SGK2: variants seen among roughly 807,000 people sequenced by gnomAD.
SGK2 encodes serum/glucocorticoid regulated kinase 2.
Under a neutral mutation model 47.5 loss-of-function variants are expected in SGK2, and 36 were observed. The observed-to-expected ratio is 0.76, with a 90% CI of 0.58 to 1.00. The LOEUF is 1.00. Ranked by LOEUF, SGK2 falls within the 50% of genes least tolerant of loss-of-function variation. SGK2 has a pLI of 0.00. For synonymous variants in SGK2, 157 were observed against 181.9 expected (o/e 0.86, Z 1.10); for missense variants, 404 against 467.4 (o/e 0.86, Z 1.25).
chr20:43,566,825 C>T (rs1979752923), intron 2 of SGK2, among the ~76,000 whole-genome samples: 1 of 149,240 alleles, frequency 6.7e-6, no homozygotes, highest in South Asian at 2.1e-4. Flanking sequence ...ATTAGCACAA[C>T]AGCCAGCTGC....
intron 12 of SGK2, among the ~76,000 whole-genome samples, chr20:43,584,048 T>G (rs934886557): frequency 1.3e-5 from 2 of 152,174 alleles, no homozygotes; most frequent in African/African-American, 4.8e-5. Context: ...AGCTCTCTCA[T>G]ATCTGTGGTC....
chr20:43,567,251 C>G, intron 3 of SGK2, 134 bp downstream of exon 3: 1 of 736,456 alleles, frequency 1.4e-6, no homozygotes, highest in Non-Finnish European at 2.4e-6. Flanking sequence ...GGACCTTTCC[C>G]CAGCTCTATC....
intron 9 of SGK2, among the ~76,000 whole-genome samples, chr20:43,574,304 T>A (rs1405193660): frequency 6.6e-6 from 1 of 152,166 alleles, no homozygotes; most frequent in African/African-American, 2.4e-5. Flanking sequence ...AGAGACATGG[T>A]GTACATTTAT....
intron 1 of SGK2, among the ~76,000 whole-genome samples, chr20:43,563,076 C>T (rs772143410): frequency 8.5e-5 from 12 of 141,926 alleles, no homozygotes; most frequent in Non-Finnish European, 1.3e-4. Context: ...GCAGAGGTTG[C>T]AATGAGTTGA....
At chr20:43,573,677 T>C (rs1980295810) in intron 9 of SGK2, among the ~76,000 whole-genome samples, 2 of 152,136 alleles carry the variant, frequency 1.3e-5, no homozygotes, top group Non-Finnish European at 2.9e-5. Context: ...TTTCTCCATA[T>C]GCTTGAAAAG....
rs777928084 is a variant in SGK2, at chr20:43,571,069, GTGT to G, written c.510+10_510+12del. The G allele has an allele frequency of 3.4e-3, 1,126 of 330,114 alleles. 7 individuals carry two copies. The East Asian group carries it at 0.1, about 30-fold the overall frequency. The allele number at this position is 330,114 out of a possible 1,614,324, so 20.4% of individuals were successfully genotyped here. Reference sequence around the variant, plus strand: ...TTCTCTTGGACTGCCAGGTTGGTGTGTGTGTGTGTGTGTGTGTGTGTGTGTGTG... The same window carrying G: ...TTCTCTTGGACTGCCAGGTTGGTGTGGTGTGTGTGTGTGTGTGTGTGTGTG... On this transcript the variant is annotated intron_variant, in intron 8 of 12. Coordinates refer to ENST00000373100, the MANE Select transcript of SGK2 (RefSeq NM_170693.3).
At chr20:43,583,854 C>T (rs1980944380) in intron 12 of SGK2, among the ~76,000 whole-genome samples, 1 of 152,176 alleles carries the variant, frequency 6.6e-6, no homozygotes, top group Admixed American at 6.5e-5. Context: ...CCCAGCTACT[C>T]AGGAGGCTGA....
intron 8 of SGK2, 144 bp downstream of exon 8, chr20:43,571,204 G>A: frequency 1.5e-6 from 2 of 1,328,960 alleles, no homozygotes; most frequent in South Asian, 2.6e-5. Flanking sequence ...TTGAGCATAT[G>A]TGTGTGTGCC....
chr20:43,571,061 G>T lies in SGK2; in HGVS notation c.510+1G>T. The T allele has an allele frequency of 6.3e-7, 1 of 1,575,394 alleles. No individual in the cohort carries two copies. ...AGAGAACATTCTCTTGGACTGCCAG[G>T]TTGGTGTGTGTGTGTGTGTGTGTGT... On this transcript the variant is annotated splice_donor_variant, in intron 8 of 12. Transcript: ENST00000373100. LOFTEE classifies it high-confidence loss of function.
intron 10 of SGK2, 47 bp downstream of exon 10, chr20:43,575,051 G>C: frequency 1.5e-6 from 2 of 1,305,950 alleles, no homozygotes; most frequent in Non-Finnish European, 2.2e-6. Flanking sequence ...CTAGGGATGG[G>C]TCTGTCTCTC....
chr20:43,572,272 A>G lies in SGK2; in HGVS notation c.597+135A>G, dbSNP rs1980187955. The G allele has an allele frequency of 1.5e-6, 1 of 664,668 alleles. No homozygotes were observed. Among genetic ancestry groups the G allele is most frequent in the Admixed American group, 2.4e-5 (1 of 41,332 alleles). The allele number at this position is 664,668 out of a possible 1,614,324, so 41.2% of individuals were successfully genotyped here. ...CTTCTCCTGAGTGGGCTATACACTG[A>G]ACTGTGGTTTCCTCATCTATGTAAT... On this transcript the variant is annotated intron_variant, in intron 9 of 12. Coordinates refer to ENST00000373100, the MANE Select transcript of SGK2 (RefSeq NM_170693.3). This position sits in a 1 kb window ranked among gnomAD's most constrained non-coding sequence, Gnocchi z 4.2.
intron 12 of SGK2, among the ~76,000 whole-genome samples, chr20:43,580,715 G>T (rs1473708732): frequency 5.4e-5 from 7 of 128,672 alleles, no homozygotes; most frequent in African/African-American, 1.2e-4. Flanking sequence ...GCAACAGAGG[G>T]AGACTTCATC....
At position 43,580,023 on chromosome 20, in the gene SGK2, T is replaced by C; in HGVS notation, c.901T>C (p.Tyr301His). The C allele has an allele frequency of 1.9e-6, 3 of 1,611,126 alleles. No homozygotes were observed. Among genetic ancestry groups the C allele is most frequent in the Non-Finnish European group, 2.5e-6 (3 of 1,178,614 alleles). Reference protein sequence around the residue: ...FFSPINWDDLYHKRLTPPFNP... With the variant: ...FFSPINWDDLHHKRLTPPFNP... ...CAGCCCCATAAACTGGGATGACCTGTACCACAAGAGGCTAACTCCACCCTT... is the reference window on the plus strand; with the variant it reads ...CAGCCCCATAAACTGGGATGACCTGCACCACAAGAGGCTAACTCCACCCTT... The change falls in exon 12 of 13, where the codon TAC becomes CAC. Residue 301 changes from tyrosine (Y) to histidine (H), a missense_variant. Tyr to His is a moderately conservative substitution (Grantham distance 83). Transcript: ENST00000373100.
chr20:43,573,854 G>T (rs191660561), intron 9 of SGK2, among the ~76,000 whole-genome samples: 2 of 152,156 alleles, frequency 1.3e-5, no homozygotes, highest in African/African-American at 4.8e-5. Context: ...TTCCTTGGAC[G>T]TTGCTAGGGA....
intron 11 of SGK2, among the ~76,000 whole-genome samples, chr20:43,578,850 A>G (rs1335374394): frequency 1.3e-5 from 2 of 152,164 alleles, no homozygotes; most frequent in Non-Finnish European, 2.9e-5. Flanking sequence ...AAAAATTTGT[A>G]TCTTAAAAAA....
At chr20:43,573,494 A>AG (rs1980276655) in intron 9 of SGK2, among the ~76,000 whole-genome samples, 1 of 151,472 alleles carries the variant, frequency 6.6e-6, no homozygotes, top group Non-Finnish European at 1.5e-5. Flanking sequence ...TGTCTCAAAA[A>AG]AAAAAAAAAA....
intron 2 of SGK2, 38 bp downstream of exon 2, chr20:43,566,569 T>A: frequency 7.1e-7 from 1 of 1,402,050 alleles, no homozygotes; most frequent in Non-Finnish European, 1.0e-6. Context: ...CATCGGGGGC[T>A]CACTTCTTCC....
intron 5 of SGK2, among the ~76,000 whole-genome samples, chr20:43,568,605 C>T (rs1221452437): frequency 2.6e-5 from 4 of 152,178 alleles, no homozygotes; most frequent in Admixed American, 2.6e-4. Flanking sequence ...CCTCAGCCTC[C>T]CCAGTAGCTG....
rs1386297287 is a variant in SGK2 at position 43,559,081 on chromosome 20, G to A, written c.-102G>A. The A allele has an allele frequency of 6.6e-6, 1 of 152,302 alleles. No homozygotes were observed. The highest frequency in any genetic ancestry group is 1.5e-5 in the Non-Finnish European group (1 of 68,146). 9.4% of individuals were successfully genotyped at this position (152,302 alleles called of 1,614,324 possible). ...TCAGGATTGTGCCTCCAGTCAGAAGGACCATGAAGAGAGAGAAGAGGGCAG... is the reference window on the plus strand; with the variant it reads ...TCAGGATTGTGCCTCCAGTCAGAAGAACCATGAAGAGAGAGAAGAGGGCAG... On this transcript the variant is annotated 5_prime_UTR_variant, in exon 1 of 13. Coordinates refer to ENST00000373100, the MANE Select transcript of SGK2 (RefSeq NM_170693.3).
Sources: allele counts gnomAD v4.1 joint callset (sites outside exome capture counted in the v4.1 genomes callset), GRCh38; gene constraint gnomAD v4.1.1; non-coding constraint Gnocchi (gnomAD v3.1); transcripts MANE v1.5; gene names NCBI Gene and HGNC (gene_info 2026-07-23, HGNC 2026-07-21).